Variants in CACNA2D3 observed in about 807,000 individuals in gnomAD.
The protein encoded by CACNA2D3 is voltage-dependent calcium channel subunit alpha-2/delta-3.
A neutral mutation model predicts 160.6 loss-of-function variants in CACNA2D3; 60 were observed. The ratio of observed to expected loss-of-function variants is 0.37; its 90% CI spans 0.30 to 0.46. CACNA2D3 has a LOEUF of 0.46. Ranked by LOEUF, CACNA2D3 falls within the 20% of genes least tolerant of loss-of-function variation. CACNA2D3 has a pLI of 1.00. For synonymous variants in CACNA2D3, 558 were observed against 492.9 expected, an observed-to-expected ratio of 1.13 and a Z score of -1.75; for missense variants, 1,205 against 1,365.0, an observed-to-expected ratio of 0.88 and a Z score of 1.85.
intron 27 of CACNA2D3, among the ~76,000 whole-genome samples, chr3:54,962,014 C>G (rs541057160): frequency 6.6e-6 from 1 of 152,150 alleles, no homozygotes; most frequent in South Asian, 2.1e-4. Flanking sequence ...GTCTCTCTCC[C>G]TCTTCCTGTA....
chr3:54,715,460 C>G (rs1701035278), intron 11 of CACNA2D3, among the ~76,000 whole-genome samples: 1 of 152,036 alleles, frequency 6.6e-6, no homozygotes, highest in Non-Finnish European at 1.5e-5. Flanking sequence ...TTCATTATGT[C>G]CACTTGTTTA....
rs141811511 is a variant in CACNA2D3, at chr3:54,235,428, C to T, written c.205-85014C>T. Among the ~76,000 whole-genome samples, 204 of 152,272 alleles carry T rather than the reference C, an allele frequency of 1.3e-3. 1 individual carries two copies. The highest frequency in any genetic ancestry group is 4.4e-3 in the African/African-American group (184 of 41,554). ...AGGCAAAGGGGGAGCCAGCACTTCACGTGGTGAGAGTAGGAGCAAAAGAGA... is the reference window on the plus strand; with the variant it reads ...AGGCAAAGGGGGAGCCAGCACTTCATGTGGTGAGAGTAGGAGCAAAAGAGA... On this transcript the variant is annotated intron_variant, in intron 2 of 37. Transcript: ENST00000474759.
In CACNA2D3 at chr3:54,156,562, G is replaced by A. The variant is rs192290389; in HGVS notation, c.204+32968G>A. ...TCCACGATGGCCCCCATTCCCTCCCGGTCTTCATGTTCTTATATTGTTCTC... is the reference window on the plus strand; with the variant it reads ...TCCACGATGGCCCCCATTCCCTCCCAGTCTTCATGTTCTTATATTGTTCTC... On this transcript the variant is annotated intron_variant, in intron 2 of 37. Coordinates refer to ENST00000474759, the MANE Select transcript of CACNA2D3 (RefSeq NM_018398.3). Among the ~76,000 whole-genome samples, 55 of 152,254 alleles carry A rather than the reference G, an allele frequency of 3.6e-4. 1 individual carries two copies. The highest frequency in any genetic ancestry group is 2.9e-3 in the Admixed American group (45 of 15,298).
intron 13 of CACNA2D3, among the ~76,000 whole-genome samples, chr3:54,813,080 C>T (rs908078371): frequency 2.0e-5 from 3 of 152,198 alleles, no homozygotes; most frequent in Admixed American, 6.5e-5. Context: ...GAAATGTATC[C>T]TGCACCCAGC....
chr3:54,530,464 G>C lies in CACNA2D3; in HGVS notation c.544+26810G>C, dbSNP rs1266203551. On this transcript the variant is annotated intron_variant, in intron 5 of 37. Coordinates refer to ENST00000474759, the MANE Select transcript of CACNA2D3 (RefSeq NM_018398.3). ...AGGGCAGTGAGCACATTTGTGTATA[G>C]AGCTAATCAGAAGCAAACCTGGGGA... Among the ~76,000 whole-genome samples, 4 of 152,182 alleles carry C rather than the reference G, an allele frequency of 2.6e-5. No individual in the cohort carries two copies. In the East Asian group the frequency reaches 7.7e-4, roughly 29 times the overall value.
chr3:54,685,535 A>G (rs914187559), intron 11 of CACNA2D3, among the ~76,000 whole-genome samples: 2 of 152,242 alleles, frequency 1.3e-5, no homozygotes, highest in Non-Finnish European at 2.9e-5. Context: ...TAGAAGCTGT[A>G]TATTACAGTG....
chr3:54,480,277 G>A (rs181327148), intron 4 of CACNA2D3, among the ~76,000 whole-genome samples: 72 of 152,220 alleles, frequency 4.7e-4, no homozygotes, highest in Admixed American at 9.8e-4. Context: ...TGACCCTCAG[G>A]ATGTATTTCT....
At chr3:54,341,068 T>C (rs1249245409) in intron 3 of CACNA2D3, among the ~76,000 whole-genome samples, 1 of 152,232 alleles carries the variant, frequency 6.6e-6, no homozygotes, top group East Asian at 1.9e-4. Flanking sequence ...CTGGACTTCT[T>C]CTGGTGTCTG....
chr3:54,520,177 G>A (rs1192894374), intron 5 of CACNA2D3, among the ~76,000 whole-genome samples: 1 of 152,182 alleles, frequency 6.6e-6, no homozygotes, highest in African/African-American at 2.4e-5. Flanking sequence ...CTGATATTTA[G>A]TGAGTGCCCT....
chr3:54,332,758 G>A (rs1250416190), intron 3 of CACNA2D3, among the ~76,000 whole-genome samples: 2 of 152,188 alleles, frequency 1.3e-5, no homozygotes, highest in African/African-American at 4.8e-5. Context: ...CTGTGTGTGG[G>A]TGGGGAAGCA....
chr3:54,946,119 G>A (rs1166170566), intron 27 of CACNA2D3, among the ~76,000 whole-genome samples: 1 of 152,210 alleles, frequency 6.6e-6, no homozygotes, highest in Non-Finnish European at 1.5e-5. Context: ...TGATGTGCCT[G>A]TCCTGAAAGA....
At chr3:54,803,930 C>T (rs899157117) in intron 13 of CACNA2D3, among the ~76,000 whole-genome samples, 4 of 152,072 alleles carry the variant, frequency 2.6e-5, no homozygotes, top group African/African-American at 7.2e-5. Context: ...AATTTTCAAC[C>T]CAGAATTTCA....
chr3:54,379,564 C>T (rs1344093902), intron 3 of CACNA2D3, among the ~76,000 whole-genome samples: 3 of 152,202 alleles, frequency 2.0e-5, no homozygotes, highest in African/African-American at 7.2e-5. Flanking sequence ...GCAGGTTATT[C>T]ATTTCGCCTT....
At chr3:54,794,666 A>C (rs890729995) in intron 13 of CACNA2D3, among the ~76,000 whole-genome samples, 1 of 147,334 alleles carries the variant, frequency 6.8e-6, no homozygotes, top group Admixed American at 6.8e-5. Context: ...TGTTATTTTC[A>C]CTAGATACAG....
At chr3:54,691,445 C>G (rs984369263) in intron 11 of CACNA2D3, among the ~76,000 whole-genome samples, 4 of 152,090 alleles carry the variant, frequency 2.6e-5, no homozygotes, top group Admixed American at 2.0e-4. Flanking sequence ...TGCTTAGTTT[C>G]CAGCTGCACA....
chr3:54,703,213 T>C (rs1366018073), intron 11 of CACNA2D3, among the ~76,000 whole-genome samples: 4 of 152,094 alleles, frequency 2.6e-5, no homozygotes, highest in East Asian at 3.9e-4. Flanking sequence ...CTTGCACATG[T>C]ACCCCCTGAA....
chr3:54,918,806 G>A (rs1348280960), intron 27 of CACNA2D3: 1 of 1,613,568 alleles, frequency 6.2e-7, no homozygotes, highest in Non-Finnish European at 8.5e-7. Flanking sequence ...AGAGGGCAGG[G>A]CTGGTACAGC....
chr3:55,044,425 T>A (rs1218263450), intron 35 of CACNA2D3, among the ~76,000 whole-genome samples: 1 of 152,204 alleles, frequency 6.6e-6, no homozygotes, highest in Non-Finnish European at 1.5e-5. Context: ...GAAACATGAT[T>A]GATTTTTCTA....
chr3:54,992,894 C>A (rs1702774022), intron 31 of CACNA2D3, among the ~76,000 whole-genome samples: 1 of 152,074 alleles, frequency 6.6e-6, no homozygotes, highest in Non-Finnish European at 1.5e-5. Flanking sequence ...GGGGAGGCCT[C>A]AGGAGACTTA....
Sources: allele counts gnomAD v4.1 joint callset (sites outside exome capture counted in the v4.1 genomes callset), GRCh38; gene constraint gnomAD v4.1.1; transcripts MANE v1.5; gene names NCBI Gene and HGNC (gene_info 2026-07-23, HGNC 2026-07-21).